Variants in LAMP2 observed in about 807,000 individuals in gnomAD.
LAMP2 encodes lysosome-associated membrane glycoprotein 2.
LAMP2 carries 4 observed loss-of-function variants against 25.6 expected under a neutral mutation model. The ratio of observed to expected loss-of-function variants is 0.16; its 90% CI spans 0.08 to 0.36. LAMP2 has a LOEUF of 0.36. Among genes scored for constraint, LAMP2 ranks in the 10% least tolerant of loss-of-function variants. The pLI is 1.00. For synonymous variants in LAMP2, 108 were observed against 112.7 expected (o/e 0.96, Z 0.27); for missense variants, 272 against 301.4 (o/e 0.90, Z 0.72).
At chrX:120,433,278 G>A (rs1186116470) in intron 8 of LAMP2, among the ~76,000 whole-genome samples, 1 of 111,543 alleles carries the variant, frequency 9.0e-6, no homozygotes, top group Admixed American at 9.6e-5. Flanking sequence ...GGAATGGGAA[G>A]TGATTGGTTA....
intron 8 of LAMP2, chrX:120,439,347 T>C: frequency 1.8e-6 from 2 of 1,095,221 alleles, no homozygotes; most frequent in Non-Finnish European, 2.5e-6. Context: ...CAAAAGAATG[T>C]CTCGAAGTCA....
At chrX:120,466,739 C>A (rs1005966855) in intron 1 of LAMP2, among the ~76,000 whole-genome samples, 2 of 111,268 alleles carry the variant, frequency 1.8e-5, no homozygotes, top group African/African-American at 6.5e-5. Flanking sequence ...AATATAAGAA[C>A]ATCAGAGTGG....
chrX:120,468,511 T>C (rs1921633683), intron 1 of LAMP2, among the ~76,000 whole-genome samples: 1 of 110,413 alleles, frequency 9.1e-6, no homozygotes, highest in African/African-American at 3.3e-5. Context: ...CCTAATCTCT[T>C]GAATCATCCT....
chrX:120,458,445 G>T (rs1188055646), intron 1 of LAMP2, among the ~76,000 whole-genome samples: 1 of 111,718 alleles, frequency 9.0e-6, no homozygotes, highest in Non-Finnish European at 1.9e-5. Context: ...AGAGGTTGTG[G>T]TTCAAACGTA....
chrX:120,435,361 G>T (rs1163341031), intron 8 of LAMP2, among the ~76,000 whole-genome samples: 1 of 111,744 alleles, frequency 8.9e-6, no homozygotes, highest in African/African-American at 3.3e-5. Context: ...AACGCAGAAA[G>T]TTAGCTACCA....
chrX:120,428,411 C>T lies in LAMP2; in HGVS notation c.*2912G>A. 2.7e-6 allele frequency: 3 copies of T among 1,112,811 alleles called. No individual in the cohort carries two copies. Among genetic ancestry groups the T allele is most frequent in the Non-Finnish European group, 3.5e-6 (3 of 851,119 alleles). The allele number at this position is 1,112,811 out of a possible 1,213,427, so 91.7% of individuals were successfully genotyped here. Reference sequence around the variant, plus strand: ...ATATCTTAAACAATCTATTGCACAGCATGTCCTGGCTTTTAGCCAATGGAA... The same window carrying T: ...ATATCTTAAACAATCTATTGCACAGTATGTCCTGGCTTTTAGCCAATGGAA... On this transcript the variant is annotated 3_prime_UTR_variant, in exon 9 of 9. Transcript: ENST00000200639.
chrX:120,441,814 C>G lies in LAMP2; in HGVS notation c.1009G>C (p.Val337Leu), dbSNP rs1166678631. ...ATCTGAAATGCTCCAGACACTGAAA[C>G]AGTCTGCTCTTTGTTGCACATATAA... The part of the protein sequence containing the change: ...SSYMCNKEQT[V>L]SVSGAFQINT... The change falls in exon 8 of 9, where the codon GTT becomes CTT. Residue 337 changes from valine to leucine, a missense_variant. Transcript: ENST00000200639. 8.3e-7 allele frequency: 1 copy of G among 1,206,540 alleles called. No homozygotes were observed. Among genetic ancestry groups the G allele is most frequent in the South Asian group, 1.8e-5 (1 of 56,915 alleles).
chrX:120,466,510 A>G (rs1384611346), intron 1 of LAMP2, among the ~76,000 whole-genome samples: 1 of 111,288 alleles, frequency 9.0e-6, no homozygotes, highest in African/African-American at 3.3e-5. Context: ...AAGGCTTCCA[A>G]TTAAGTATTC....
At chrX:120,439,604 TG>T (rs1396260365) in intron 8 of LAMP2, among the ~76,000 whole-genome samples, 1 of 109,439 alleles carries the variant, frequency 9.1e-6, no homozygotes, top group African/African-American at 3.3e-5. Context: ...ATATGCACAT[TG>T]TATATGTGTG....
rs1302201183 is a variant in LAMP2, at chrX:120,427,641, AT to A, written c.*3681del. 8.9e-6 allele frequency among the ~76,000 whole-genome samples: 1 copy of A among 112,046 alleles called. No individual in the cohort carries two copies. The highest frequency in any genetic ancestry group is 1.9e-5 in the Non-Finnish European group (1 of 53,183). On this transcript the variant is annotated 3_prime_UTR_variant, in exon 9 of 9. Transcript: ENST00000200639. ...AGTGCAGGAGGCACACAAACAAAGT[AT>A]ATAGAGTTTTTGTTTTCAGTGCAGG...
At chrX:120,442,684 GTTAA>G (rs1196979427) in intron 6 of LAMP2, 22 bp from the exon 7 acceptor site, 1 of 1,140,274 alleles carries the variant, frequency 8.8e-7, no homozygotes, top group Non-Finnish European at 1.2e-6. Context: ...AGAGCTTCCA[GTTAA>G]TTAACATTTC....
chrX:120,464,566 T>A (rs998813618), intron 1 of LAMP2, among the ~76,000 whole-genome samples: 1 of 111,425 alleles, frequency 9.0e-6, no homozygotes, highest in Non-Finnish European at 1.9e-5. Context: ...ATAAGATTTA[T>A]TCCTATTTCC....
At chrX:120,451,128 A>G (rs1431206181) in intron 3 of LAMP2, among the ~76,000 whole-genome samples, 1 of 110,502 alleles carries the variant, frequency 9.0e-6, no homozygotes, top group East Asian at 2.8e-4. Flanking sequence ...GGGTTTCACC[A>G]TGTTGGTCTC....
At chrX:120,451,243 G>GA (rs1310951649) in intron 3 of LAMP2, among the ~76,000 whole-genome samples, 2 of 111,154 alleles carry the variant, frequency 1.8e-5, no homozygotes, top group Non-Finnish European at 3.8e-5. Flanking sequence ...TTTTAATCAC[G>GA]AAAAAAATTT....
chrX:120,447,987 G>T lies in LAMP2; in HGVS notation c.595C>A (p.Pro199Thr). 1 of 1,210,533 alleles carries T rather than the reference G, an allele frequency of 8.3e-7. No individual in the cohort carries two copies. The highest frequency in any genetic ancestry group is 1.7e-5 in the African/African-American group (1 of 57,633). ...CDKDKTSTVA[P>T]TIHTTVPSPT... ...GATGGCACAGTGGTGTGTATGGTGGGTGCCACTGTTGAAGTTTTGTCTTTA... is the reference window on the plus strand; with the variant it reads ...GATGGCACAGTGGTGTGTATGGTGGTTGCCACTGTTGAAGTTTTGTCTTTA... Residue 199 changes from proline (P) to threonine (T), a missense_variant, in exon 5 of 9, where the codon CCC becomes ACC. Physicochemically the swap from Pro to Thr is conservative, Grantham distance 38. Coordinates refer to ENST00000200639, the MANE Select transcript of LAMP2 (RefSeq NM_002294.3).
intron 3 of LAMP2, among the ~76,000 whole-genome samples, chrX:120,450,301 G>A (rs1389417785): frequency 8.9e-6 from 1 of 111,930 alleles, no homozygotes; most frequent in African/African-American, 3.3e-5. Context: ...AAGTATCCAA[G>A]GTCCTTAATA....
At position 120,428,662 on chromosome X, in the gene LAMP2, TA is replaced by T. The variant is rs2058508431; in HGVS notation, c.*2660del. The T allele has an allele frequency of 8.7e-7, 1 of 1,146,177 alleles. No individual in the cohort carries two copies. The highest frequency in any genetic ancestry group is 1.2e-6 in the Non-Finnish European group (1 of 867,083). The allele number at this position is 1,146,177 out of a possible 1,213,427, so 94.5% of individuals were successfully genotyped here. ...AGAACAGACAGCAAGGAAAGGAAAT[TA>T]GCAAAGAATGCAATTAAGTAGTAAA... On this transcript the variant is annotated 3_prime_UTR_variant, in exon 9 of 9. Transcript: ENST00000200639.
Position 120,431,204 on chromosome X carries a change from G to A in LAMP2, c.*119C>T. On this transcript the variant is annotated 3_prime_UTR_variant, in exon 9 of 9. Transcript: ENST00000200639. ...AGACTGATCTCAAAATGCTGGGATT[G>A]ATAAAAGAATTAAAGTTTCAACATA... is the stretch of plus-strand genomic sequence containing the variant. 1 of 1,182,237 alleles carries A rather than the reference G, an allele frequency of 8.5e-7. No homozygotes were observed. The highest frequency in any genetic ancestry group is 1.9e-5 in the South Asian group (1 of 53,858).
intron 1 of LAMP2, among the ~76,000 whole-genome samples, chrX:120,467,160 C>T (rs753519558): frequency 2.0e-3 from 214 of 108,695 alleles, no homozygotes; most frequent in Non-Finnish European, 3.5e-3. Flanking sequence ...CAAATACCTT[C>T]TTAACCTTAT....
Sources: allele counts gnomAD v4.1 joint callset (sites outside exome capture counted in the v4.1 genomes callset), GRCh38; gene constraint gnomAD v4.1.1; transcripts MANE v1.5; gene names NCBI Gene and HGNC (gene_info 2026-07-23, HGNC 2026-07-21).